The following DLG2 variants were observed in gnomAD, a reference collection of about 807,000 sequenced individuals.
The protein encoded by DLG2 is discs large MAGUK scaffold protein 2.
Under a neutral mutation model 132.5 loss-of-function variants are expected in DLG2, and 45 were observed. The observed-to-expected ratio is 0.34, with a 90% CI of 0.27 to 0.44. The LOEUF is 0.44. DLG2 is among the 20% of genes least tolerant of loss of function. The pLI, the probability that DLG2 is intolerant of heterozygous loss-of-function variation, is 1.00. For missense variants in DLG2, 1,045 were observed against 1,196.9 expected (o/e 0.87, Z 1.87); for synonymous variants, 424 against 419.6 (o/e 1.01, Z -0.13).
intron 6 of DLG2, among the ~76,000 whole-genome samples, chr11:84,753,297 A>T (rs2066426815): frequency 6.6e-6 from 1 of 152,326 alleles, no homozygotes; most frequent in African/African-American, 2.4e-5. Context: ...GACTGGATAA[A>T]GAAAGGAGTG....
At chr11:85,328,821 G>C (rs2081550560) in intron 3 of DLG2, among the ~76,000 whole-genome samples, 1 of 94,036 alleles carries the variant, frequency 1.1e-5, no homozygotes, top group Non-Finnish European at 2.2e-5. Context: ...ATTAGGAAAA[G>C]AGGAAGTCAA....
rs762050933 is a variant in DLG2, at chr11:83,724,476, T to TGTGA, written c.1825+62213_1825+62214insTCAC. On this transcript the variant is annotated intron_variant, in intron 18 of 27. Transcript: ENST00000376104. Reference sequence around the variant, plus strand: ...CTCTCTCCGTGTGTGTGTGTGTGTGTGAGAGAGAGAGAGAGAGAGAGAGAG... The same window carrying TGTGA: ...CTCTCTCCGTGTGTGTGTGTGTGTGTGTGAGAGAGAGAGAGAGAGAGAGAGAGAG... 4.3e-3 allele frequency among the ~76,000 whole-genome samples: 510 copies of TGTGA among 118,182 alleles called. 1 individual carries two copies. The highest frequency in any genetic ancestry group is 0.014 in the East Asian group (50 of 3,702). The allele number at this position is 118,182 out of a possible 152,430, so 77.5% of individuals were successfully genotyped here.
intron 6 of DLG2, among the ~76,000 whole-genome samples, chr11:85,047,969 T>A (rs1046145074): frequency 6.6e-6 from 1 of 151,934 alleles, no homozygotes; most frequent in Non-Finnish European, 1.5e-5. Flanking sequence ...TCCTGTTGCC[T>A]GAGAGATCCC....
At chr11:84,406,608 G>T (rs1320544415) in intron 7 of DLG2, among the ~76,000 whole-genome samples, 1 of 152,180 alleles carries the variant, frequency 6.6e-6, no homozygotes, top group Non-Finnish European at 1.5e-5. Context: ...CCAAAGTGCT[G>T]GGATTACAGG....
chr11:84,260,923 A>T (rs956295239), intron 7 of DLG2, among the ~76,000 whole-genome samples: 3 of 152,196 alleles, frequency 2.0e-5, no homozygotes, highest in African/African-American at 7.2e-5. Flanking sequence ...CAATAGCTCA[A>T]ATCTCAAATG....
chr11:84,586,709 G>T (rs777641495), intron 6 of DLG2, among the ~76,000 whole-genome samples: 1 of 151,692 alleles, frequency 6.6e-6, no homozygotes, highest in Non-Finnish European at 1.5e-5. Context: ...TGATTGATTA[G>T]AATTTTTTAT....
chr11:84,293,129 G>C (rs1241911751), intron 7 of DLG2, among the ~76,000 whole-genome samples: 1 of 151,064 alleles, frequency 6.6e-6, no homozygotes, highest in Non-Finnish European at 1.5e-5. Context: ...TGACAAGGCA[G>C]TGTGTGTGTG....
At chr11:83,852,606 T>C (rs938963416) in intron 16 of DLG2, among the ~76,000 whole-genome samples, 3 of 152,240 alleles carry the variant, frequency 2.0e-5, no homozygotes, top group African/African-American at 4.8e-5. Context: ...TACTAACCTT[T>C]AGCTGTAGTT....
intron 21 of DLG2, among the ~76,000 whole-genome samples, chr11:83,503,891 G>A (rs1449026405): frequency 6.6e-6 from 1 of 152,038 alleles, no homozygotes; most frequent in Non-Finnish European, 1.5e-5. Context: ...CACATCTTCT[G>A]AGATTATATA....
intron 6 of DLG2, among the ~76,000 whole-genome samples, chr11:84,929,450 G>A (rs2047841139): frequency 6.6e-6 from 1 of 151,972 alleles, no homozygotes. Flanking sequence ...ATACTTCAAT[G>A]GCAATACTCA....
chr11:84,581,613 C>T (rs2099516397), intron 6 of DLG2, among the ~76,000 whole-genome samples: 1 of 152,000 alleles, frequency 6.6e-6, no homozygotes, highest in African/African-American at 2.4e-5. Flanking sequence ...CAAGAAAAAT[C>T]TGAGTATTAA....
At chr11:85,521,622 G>A (rs1204662139) in intron 3 of DLG2, among the ~76,000 whole-genome samples, 1 of 152,146 alleles carries the variant, frequency 6.6e-6, no homozygotes, top group Admixed American at 6.5e-5. Flanking sequence ...AAAAATGTGG[G>A]AAAGTTTGGA....
intron 3 of DLG2, among the ~76,000 whole-genome samples, chr11:85,313,979 C>T (rs1423637330): frequency 6.6e-6 from 1 of 151,866 alleles, no homozygotes; most frequent in Non-Finnish European, 1.5e-5. Context: ...TTTAAAATTT[C>T]ACAGCAAAAG....
intron 7 of DLG2, among the ~76,000 whole-genome samples, chr11:84,523,898 A>T (rs989357820): frequency 1.3e-5 from 2 of 152,184 alleles, no homozygotes; most frequent in Non-Finnish European, 2.9e-5. Flanking sequence ...TTCTTAGAAA[A>T]AATTCATCAT....
At chr11:84,364,716 A>C (rs1436089519) in intron 7 of DLG2, among the ~76,000 whole-genome samples, 1 of 152,130 alleles carries the variant, frequency 6.6e-6, no homozygotes, top group Admixed American at 6.6e-5. Flanking sequence ...AGTTTTTAGC[A>C]TGAAGCGTTG....
chr11:84,415,993 T>A (rs1330254987), intron 7 of DLG2, among the ~76,000 whole-genome samples: 1 of 152,148 alleles, frequency 6.6e-6, no homozygotes, highest in Non-Finnish European at 1.5e-5. Context: ...AATTACTATT[T>A]TGGGTTTTTG....
intron 18 of DLG2, among the ~76,000 whole-genome samples, chr11:83,782,885 C>T (rs1484393103): frequency 6.6e-6 from 1 of 151,938 alleles, no homozygotes; most frequent in African/African-American, 2.4e-5. Flanking sequence ...CCTGTGGGTG[C>T]ACATGTGTGT....
At chr11:83,538,210 T>G (rs1481404022) in intron 20 of DLG2, among the ~76,000 whole-genome samples, 1 of 152,330 alleles carries the variant, frequency 6.6e-6, no homozygotes, top group African/African-American at 2.4e-5. Context: ...GGTCCCAGTT[T>G]CCTTACTTGT....
At chr11:85,575,793 T>C (rs567085434) in intron 3 of DLG2, among the ~76,000 whole-genome samples, 37 of 152,316 alleles carry the variant, frequency 2.4e-4, no homozygotes, top group African/African-American at 8.2e-4. Flanking sequence ...CAGATTACCC[T>C]TCCTGGCCCT....
Sources: allele counts gnomAD v4.1 joint callset (sites outside exome capture counted in the v4.1 genomes callset), GRCh38; gene constraint gnomAD v4.1.1; transcripts MANE v1.5; gene names NCBI Gene and HGNC (gene_info 2026-07-23, HGNC 2026-07-21).